NFIB: variants seen among roughly 807,000 people sequenced by gnomAD.
NFIB encodes nuclear factor I B, also known as nuclear factor 1 B-type.
In NFIB, 11 loss-of-function variants were observed where a neutral mutation model predicts 61.5. The observed-to-expected ratio is 0.18, with a 90% CI of 0.11 to 0.30. The LOEUF is 0.30. Among genes scored for constraint, NFIB ranks in the 10% least tolerant of loss-of-function variants. NFIB has a pLI of 1.00. For missense variants in NFIB, 471 were observed against 608.9 expected, an observed-to-expected ratio of 0.77 and a Z score of 2.38; for synonymous variants, 260 against 216.5, an observed-to-expected ratio of 1.20 and a Z score of -1.76.
chr9:14,160,886 G>A (rs1183402994), intron 3 of NFIB, among the ~76,000 whole-genome samples: 3 of 148,306 alleles, frequency 2.0e-5, no homozygotes, highest in African/African-American at 7.5e-5. Context: ...AAAAGCCACT[G>A]CAACCCACAG....
intron 2 of NFIB, among the ~76,000 whole-genome samples, chr9:14,227,706 T>C (rs1275735579): frequency 6.6e-6 from 1 of 152,178 alleles, no homozygotes; most frequent in Non-Finnish European, 1.5e-5. Flanking sequence ...ATTCACAATG[T>C]TTCACTCTAA....
the NFIB span, among the ~76,000 whole-genome samples, chr9:14,472,838 C>A: frequency 2.0e-5 from 3 of 151,182 alleles, no homozygotes; most frequent in African/African-American, 4.9e-5. Context: ...GAGACTCCGT[C>A]TCAAAAAAAT....
chr9:14,197,353 A>T (rs1410690606), intron 2 of NFIB, among the ~76,000 whole-genome samples: 1 of 101,262 alleles, frequency 9.9e-6, no homozygotes, highest in Non-Finnish European at 2.0e-5. Context: ...TGAATCTGAT[A>T]GGATGTCCCT....
chr9:14,132,623 A>C (rs762826351), intron 6 of NFIB, among the ~76,000 whole-genome samples: 19 of 151,984 alleles, frequency 1.3e-4, no homozygotes, highest in Admixed American at 7.9e-4. Flanking sequence ...CCCAGGCTGC[A>C]GTGGCACAAT....
intron 6 of NFIB, among the ~76,000 whole-genome samples, chr9:14,126,182 C>T (rs903998309): frequency 3.9e-5 from 6 of 152,160 alleles, no homozygotes; most frequent in East Asian, 3.9e-4. Flanking sequence ...ATGTTGGTCA[C>T]GATATCACTG....
the NFIB span, among the ~76,000 whole-genome samples, chr9:14,405,784 T>A: frequency 6.6e-6 from 1 of 152,158 alleles, no homozygotes; most frequent in Non-Finnish European, 1.5e-5. Flanking sequence ...AAATCAAGGG[T>A]GAAGTCTTCC....
the NFIB span, among the ~76,000 whole-genome samples, chr9:14,417,905 C>T: frequency 0.041 from 6,264 of 151,644 alleles, 366 homozygotes; most frequent in African/African-American, 0.12. Flanking sequence ...CTCAGCCTCC[C>T]GGGTAGCTGG....
At chr9:14,136,920 TA>T (rs1284465323) in intron 6 of NFIB, among the ~76,000 whole-genome samples, 1 of 152,174 alleles carries the variant, frequency 6.6e-6, no homozygotes, top group Non-Finnish European at 1.5e-5. Context: ...AAGTTCAACC[TA>T]AATCTATATT....
chr9:14,151,259 G>T (rs1322308438), intron 4 of NFIB, among the ~76,000 whole-genome samples: 1 of 152,010 alleles, frequency 6.6e-6, no homozygotes, highest in African/African-American at 2.4e-5. Context: ...CTTCTTCCCT[G>T]GTAGACTGGA....
At chr9:14,404,288 T>C in the NFIB span, among the ~76,000 whole-genome samples, 2 of 152,084 alleles carry the variant, frequency 1.3e-5, no homozygotes, top group African/African-American at 2.4e-5. Context: ...CCCCGAGGAT[T>C]CTTTGATTTG....
chr9:14,177,051 T>C (rs1278210718), intron 3 of NFIB, among the ~76,000 whole-genome samples: 2 of 152,218 alleles, frequency 1.3e-5, no homozygotes, highest in Non-Finnish European at 2.9e-5. Flanking sequence ...GTATTCAAGG[T>C]GATCTTTTTC....
chr9:14,332,349 A>AAC (rs1554714350), intron 1 of NFIB, among the ~76,000 whole-genome samples: 18 of 150,908 alleles, frequency 1.2e-4, no homozygotes, highest in African/African-American at 2.7e-4. Flanking sequence ...AAAAAAAAAA[A>AAC]ACACACAAGA....
chr9:14,219,361 G>C (rs1265864783), intron 2 of NFIB, among the ~76,000 whole-genome samples: 1 of 109,856 alleles, frequency 9.1e-6, no homozygotes, highest in Non-Finnish European at 1.7e-5. Flanking sequence ...TTAATATAGA[G>C]TCATCTTGTA....
At chr9:14,489,437 A>T in the NFIB span, among the ~76,000 whole-genome samples, 1 of 152,250 alleles carries the variant, frequency 6.6e-6, no homozygotes, top group East Asian at 1.9e-4. Context: ...TACCTTTTAA[A>T]CTATAAACTC....
At chr9:14,214,816 T>C (rs555575714) in intron 2 of NFIB, among the ~76,000 whole-genome samples, 3 of 152,224 alleles carry the variant, frequency 2.0e-5, no homozygotes, top group African/African-American at 4.8e-5. Flanking sequence ...GAGAGCTGTT[T>C]ATCCCACAGT....
chr9:14,308,182 T>C (rs1221991381), intron 1 of NFIB: 1 of 152,172 alleles, frequency 6.6e-6, no homozygotes, highest in Admixed American at 6.5e-5. Flanking sequence ...AACAGCACCA[T>C]TCCAAAAGTG....
chr9:14,503,286 T>A, the NFIB span, among the ~76,000 whole-genome samples: 1 of 152,114 alleles, frequency 6.6e-6, no homozygotes, highest in African/African-American at 2.4e-5. Flanking sequence ...TAATGACTTG[T>A]TTTCCTCTGG....
intron 8 of NFIB, among the ~76,000 whole-genome samples, chr9:14,119,023 T>G (rs2119130538): frequency 6.6e-6 from 1 of 152,070 alleles, no homozygotes; most frequent in South Asian, 2.1e-4. Flanking sequence ...AAAAAAAAAA[T>G]CCAATGGAAC....
chr9:14,112,973 G>A (rs532135099), intron 10 of NFIB, 26 bp downstream of exon 10: 121 of 1,547,280 alleles, frequency 7.8e-5, no homozygotes, highest in Middle Eastern at 1.7e-4. Context: ...TGGCTACACC[G>A]TCACACCTGG....
Sources: allele counts gnomAD v4.1 joint callset (sites outside exome capture counted in the v4.1 genomes callset), GRCh38; gene constraint gnomAD v4.1.1; transcripts MANE v1.5; gene names NCBI Gene and HGNC (gene_info 2026-07-23, HGNC 2026-07-21).